Variants in BSN observed in about 807,000 individuals in gnomAD.
The protein encoded by BSN is protein bassoon.
Under a neutral mutation model 264.8 loss-of-function variants are expected in BSN, and 57 were observed. The observed-to-expected ratio is 0.22, with a 90% CI of 0.17 to 0.27. The LOEUF (loss-of-function observed/expected upper bound fraction) is 0.27, where lower values mean the gene tolerates loss of function less well. Among genes scored for constraint, BSN ranks in the 10% least tolerant of loss-of-function variants. The pLI is 1.00. For synonymous variants in BSN, 2,059 were observed against 2,137.3 expected (o/e 0.96, Z 1.01); for missense variants, 4,615 against 5,232.5 (o/e 0.88, Z 3.64).
At chr3:49,611,835 G>T (rs1285128224) in intron 1 of BSN, among the ~76,000 whole-genome samples, 1 of 152,100 alleles carries the variant, frequency 6.6e-6, no homozygotes, top group Non-Finnish European at 1.5e-5. Flanking sequence ...GAGATCATAG[G>T]GGGAGCTCCT....
rs2052626086 is a variant in BSN, at chr3:49,658,099, G to A, written c.8543G>A (p.Arg2848Gln). ...TLPRPMKTLQ[R>Q]SLSDPKPLSP... Reference sequence around the variant, plus strand: ...CCTCGCCCCATGAAGACCCTGCAGCGGTCCCTGTCTGACCCTAAGCCCCTC... The same window carrying A: ...CCTCGCCCCATGAAGACCCTGCAGCAGTCCCTGTCTGACCCTAAGCCCCTC... Residue 2848 changes from arginine to glutamine, a missense_variant, in exon 5 of 12, where the codon CGG (arginine) becomes CAG (glutamine). By Grantham distance (43) the Arg-to-Gln change is conservative (BLOSUM62 1). Coordinates refer to ENST00000296452, the MANE Select transcript of BSN (RefSeq NM_003458.4). 3 of 1,613,130 alleles carry A rather than the reference G, an allele frequency of 1.9e-6. No homozygotes were observed. The highest frequency in any genetic ancestry group is 2.2e-5 in the East Asian group (1 of 44,878).
intron 1 of BSN, among the ~76,000 whole-genome samples, chr3:49,602,889 T>C (rs2052083122): frequency 6.6e-6 from 1 of 152,246 alleles, no homozygotes. Flanking sequence ...TCCTCTCTTC[T>C]GCACACTCTG....
At chr3:49,582,871 C>T (rs1252879495) in intron 1 of BSN, among the ~76,000 whole-genome samples, 1 of 152,124 alleles carries the variant, frequency 6.6e-6, no homozygotes, top group Non-Finnish European at 1.5e-5. Flanking sequence ...TGACTTTTGT[C>T]AAATGCTTTT....
chr3:49,668,474 C>G lies in BSN; in HGVS notation c.*989C>G, dbSNP rs2052728921. 6.5e-6 allele frequency: 1 copy of G among 152,764 alleles called. No individual in the cohort carries two copies. Among genetic ancestry groups the G allele is most frequent in the Non-Finnish European group, 1.5e-5 (1 of 68,102 alleles). 9.5% of individuals were successfully genotyped at this position (152,764 alleles called of 1,614,324 possible). ...CCTTGCCTCTCCCCCTCCACCACCACCTTGTGACTGATGGTTTGGTTTCCT... is the reference window on the plus strand; with the variant it reads ...CCTTGCCTCTCCCCCTCCACCACCAGCTTGTGACTGATGGTTTGGTTTCCT... On this transcript the variant is annotated 3_prime_UTR_variant, in exon 12 of 12. Coordinates refer to ENST00000296452, the MANE Select transcript of BSN (RefSeq NM_003458.4).
Position 49,657,673 on chromosome 3 carries a change from C to T in BSN, c.8117C>T (p.Ala2706Val), listed in dbSNP as rs774527904. 17 of 1,569,566 alleles carry T rather than the reference C, an allele frequency of 1.1e-5. No individual in the cohort carries two copies. Among genetic ancestry groups the T allele is most frequent in the Non-Finnish European group, 1.5e-5 (17 of 1,153,750 alleles). The change falls in exon 5 of 12, where the codon GCG becomes GTG. Residue 2706 changes from alanine to valine, a missense_variant. Coordinates refer to ENST00000296452, the MANE Select transcript of BSN (RefSeq NM_003458.4). Reference protein sequence around the residue: ...PKVEIVRYISAPEKTGRGESL... With the variant: ...PKVEIVRYISVPEKTGRGESL... ...GTGGAGATCGTCAGGTACATATCGG[C>T]GCCAGAGAAGACTGGGCGTGGGGAG...
At chr3:49,606,173 A>ATATATGTATATATTATATATACATATAT (rs2052140719) in intron 1 of BSN, among the ~76,000 whole-genome samples, 1 of 20,272 alleles carries the variant, frequency 4.9e-5, no homozygotes, top group Non-Finnish European at 8.1e-5. Context: ...TACATATATT[A>ATATATGTATATATTATATATACATATAT]TATATGTATA....
intron 1 of BSN, among the ~76,000 whole-genome samples, chr3:49,555,804 G>C (rs1288648226): frequency 6.6e-6 from 1 of 152,240 alleles, no homozygotes. Flanking sequence ...GGAGGGAGGT[G>C]CTTCCAGCTC....
intron 1 of BSN, among the ~76,000 whole-genome samples, chr3:49,597,203 T>C (rs1034520779): frequency 6.6e-6 from 1 of 152,222 alleles, no homozygotes; most frequent in African/African-American, 2.4e-5. Context: ...TTTTTCTTTA[T>C]TCTTTTTTCT....
rs373880809 is a variant in BSN at position 49,599,502 on chromosome 3, A to G, written c.225-25473A>G. ...CTTCTTGGCCATACCTGCTGGGGGTAGAGCATCTGGAATAGCATTTTCATA... is the reference window on the plus strand; with the variant it reads ...CTTCTTGGCCATACCTGCTGGGGGTGGAGCATCTGGAATAGCATTTTCATA... On this transcript the variant is annotated intron_variant, in intron 1 of 11. Coordinates refer to ENST00000296452, the MANE Select transcript of BSN (RefSeq NM_003458.4). Among the ~76,000 whole-genome samples the G allele has an allele frequency of 1.1e-4, 17 of 152,286 alleles. No homozygotes were observed. In the East Asian group the frequency reaches 2.3e-3, roughly 21 times the overall value.
chr3:49,575,444 A>G (rs923058374), intron 1 of BSN, among the ~76,000 whole-genome samples: 3 of 147,804 alleles, frequency 2.0e-5, no homozygotes, highest in Non-Finnish European at 3.0e-5. Flanking sequence ...GTAAATATAT[A>G]TGTGTGTATA....
chr3:49,642,635 C>G lies in BSN; in HGVS notation c.1001C>G (p.Ala334Gly). Residue 334 changes from alanine to glycine, a missense_variant, in exon 3 of 12, where the codon GCT (alanine) becomes GGT (glycine). Ala to Gly is a moderately conservative substitution (Grantham distance 60). This residue lies in a region of BSN where 1,197 missense variants were observed against 1,348.0 expected (regional missense o/e 0.89). Transcript: ENST00000296452. The surrounding 1 kb of genome is among the most constrained non-coding windows in gnomAD (Gnocchi z 7.0). ...APAKSATAVP[A>G]GLGATEQTQE... Reference sequence around the variant, plus strand: ...GCCAAAAGTGCCACCGCAGTGCCCGCTGGGCTTGGTGCCACTGAGCAGACC... The same window carrying G: ...GCCAAAAGTGCCACCGCAGTGCCCGGTGGGCTTGGTGCCACTGAGCAGACC... 1 of 1,603,100 alleles carries G rather than the reference C, an allele frequency of 6.2e-7. No homozygotes were observed. Among genetic ancestry groups the G allele is most frequent in the Non-Finnish European group, 8.5e-7 (1 of 1,173,740 alleles).
At chr3:49,556,955 T>A (rs2051677371) in intron 1 of BSN, among the ~76,000 whole-genome samples, 1 of 152,194 alleles carries the variant, frequency 6.6e-6, no homozygotes, top group South Asian at 2.1e-4. Flanking sequence ...GGGAGATGAT[T>A]CTGGGGGAGT....
rs1382387454 is a variant in BSN, at chr3:49,670,362, C to CT, written c.*2878dup. On this transcript the variant is annotated 3_prime_UTR_variant, in exon 12 of 12. Transcript: ENST00000296452. ...GTTAGGAGGTCAGCCTCCAGCAGGC[C>CT]TAGTCTCAGGCTCTAAAGTACTGAC... 1 of 152,268 alleles carries CT rather than the reference C, an allele frequency of 6.6e-6. No homozygotes were observed. The highest frequency in any genetic ancestry group is 1.5e-5 in the Non-Finnish European group (1 of 68,044). The allele number at this position is 152,268 out of a possible 1,614,324, so 9.4% of individuals were successfully genotyped here. A position where few individuals can be genotyped will look rare whatever the true frequency, so the allele number is the denominator to read the frequency against.
chr3:49,605,450 T>G (rs1318668896), intron 1 of BSN, among the ~76,000 whole-genome samples: 1 of 23,768 alleles, frequency 4.2e-5, no homozygotes, highest in Non-Finnish European at 6.7e-5. Flanking sequence ...ATATATATTA[T>G]ATAATATATA....
intron 5 of BSN, among the ~76,000 whole-genome samples, chr3:49,659,613 C>T (rs999290030): frequency 6.6e-6 from 1 of 151,918 alleles, no homozygotes; most frequent in African/African-American, 2.4e-5. Flanking sequence ...AGGCTAGGAG[C>T]GAGAGAAAAA....
downstream of BSN, among the ~76,000 whole-genome samples, chr3:49,671,760 C>G (rs542540423): frequency 6.6e-6 from 1 of 152,354 alleles, no homozygotes; most frequent in Admixed American, 6.5e-5. This position sits in a 1 kb window ranked among gnomAD's most constrained non-coding sequence, Gnocchi z 4.1. Flanking sequence ...AAGCTTGGAC[C>G]TGGAGCAGGC....
chr3:49,615,033 C>T (rs992262313), intron 1 of BSN, among the ~76,000 whole-genome samples: 1 of 152,200 alleles, frequency 6.6e-6, no homozygotes, highest in African/African-American at 2.4e-5. Flanking sequence ...TTGTTCCTAC[C>T]AGTCCCTCTT....
At chr3:49,584,987 T>G (rs535132349) in intron 1 of BSN, among the ~76,000 whole-genome samples, 2 of 152,358 alleles carry the variant, frequency 1.3e-5, no homozygotes, top group African/African-American at 4.8e-5. Context: ...TTTTTATGGC[T>G]GAGTAGTACT....
At chr3:49,557,293 C>T (rs182753979) in intron 1 of BSN, among the ~76,000 whole-genome samples, 2 of 152,316 alleles carry the variant, frequency 1.3e-5, no homozygotes, top group East Asian at 3.9e-4. Context: ...AGGCTCCACT[C>T]TCCAAGCTGT....
Sources: gnomAD v4.1 joint callset for allele counts (sites outside exome capture counted in the v4.1 genomes callset) on GRCh38, gnomAD v4.1.1 for gene constraint, gnomAD v4.1.1 regional missense constraint, Gnocchi (gnomAD v3.1) non-coding constraint, MANE v1.5 for transcripts, NCBI Gene and HGNC (gene_info 2026-07-23, HGNC 2026-07-21) for gene names.